The following SKA2 variants were observed in gnomAD, a reference collection of about 807,000 sequenced individuals.
The protein encoded by SKA2 is spindle and kinetochore-associated protein 2.
In SKA2, 13 loss-of-function variants were observed where a neutral mutation model predicts 16.9. The observed-to-expected ratio is 0.77, with a 90% CI of 0.50 to 1.22. The LOEUF (loss-of-function observed/expected upper bound fraction) is 1.22, where lower values mean the gene tolerates loss of function less well. Among genes scored for constraint, SKA2 ranks in the 50% most tolerant of loss-of-function variants. SKA2 has a pLI of 0.00. For missense variants in SKA2, 107 were observed against 139.7 expected (o/e 0.77, Z 1.18); for synonymous variants, 47 against 48.5 (o/e 0.97, Z 0.13).
At chr17:59,122,335 T>C (rs2067565089) in intron 2 of SKA2, among the ~76,000 whole-genome samples, 1 of 151,856 alleles carries the variant, frequency 6.6e-6, no homozygotes, top group South Asian at 2.1e-4. Context: ...AAAGGCTGGG[T>C]GCAGTGACTC....
chr17:59,134,883 G>A (rs1208610660), intron 1 of SKA2, among the ~76,000 whole-genome samples: 1 of 151,566 alleles, frequency 6.6e-6, no homozygotes, highest in Non-Finnish European at 1.5e-5. Flanking sequence ...CATACAAGCA[G>A]GAGTGCAGTG....
chr17:59,146,413 AG>A (rs2046532956), intron 1 of SKA2, among the ~76,000 whole-genome samples: 1 of 152,060 alleles, frequency 6.6e-6, no homozygotes, highest in African/African-American at 2.4e-5. Context: ...GCAGGCAAAT[AG>A]CTTGAACCCA....
chr17:59,132,751 C>T (rs1056046655), intron 1 of SKA2, among the ~76,000 whole-genome samples: 1 of 152,172 alleles, frequency 6.6e-6, no homozygotes, highest in Admixed American at 6.5e-5. Flanking sequence ...TAAGGGGGGG[C>T]TTTCACATTT....
At chr17:59,139,411 A>G (rs1286203511) in intron 1 of SKA2, among the ~76,000 whole-genome samples, 2 of 151,732 alleles carry the variant, frequency 1.3e-5, no homozygotes, top group East Asian at 1.9e-4. Context: ...AAAAAAAAAA[A>G]AAAAAAAGAA....
chr17:59,119,260 T>G (rs759841213), intron 3 of SKA2, 59 bp downstream of exon 3: 4 of 1,552,684 alleles, frequency 2.6e-6, no homozygotes, highest in Non-Finnish European at 3.5e-6. Flanking sequence ...GGTTTATTTT[T>G]CAAAGCAACA....
At chr17:59,138,097 G>A (rs2046459960) in intron 1 of SKA2, among the ~76,000 whole-genome samples, 1 of 151,900 alleles carries the variant, frequency 6.6e-6, no homozygotes, top group Admixed American at 6.6e-5. Flanking sequence ...TAAAGCCCAA[G>A]ATATTCGTAT....
chr17:59,132,170 A>T (rs770365448), intron 1 of SKA2, among the ~76,000 whole-genome samples: 1 of 152,014 alleles, frequency 6.6e-6, no homozygotes. Flanking sequence ...AGCCTGGCTA[A>T]CATGGTGAAA....
intron 1 of SKA2, 27 bp from the exon 2 acceptor site, chr17:59,131,394 T>C: frequency 1.4e-6 from 2 of 1,448,968 alleles, no homozygotes; most frequent in South Asian, 2.8e-5. Context: ...ATCATTATTG[T>C]GTAAACCAAA....
intron 1 of SKA2, among the ~76,000 whole-genome samples, chr17:59,138,876 A>C (rs946894271): frequency 7.9e-5 from 12 of 152,150 alleles, no homozygotes; most frequent in Admixed American, 2.0e-4. Context: ...CAGTTTTAAA[A>C]CACTTGCTTT....
intron 1 of SKA2, chr17:59,154,902 C>T: frequency 6.3e-7 from 1 of 1,591,848 alleles, no homozygotes. Context: ...AGGCCCCGCA[C>T]CCTCAGCATC....
chr17:59,143,930 G>C (rs1250236770), intron 1 of SKA2, among the ~76,000 whole-genome samples: 1 of 152,098 alleles, frequency 6.6e-6, no homozygotes, highest in African/African-American at 2.4e-5. Context: ...GGCCGAAGCG[G>C]GCGGATCATG....
intron 2 of SKA2, among the ~76,000 whole-genome samples, chr17:59,130,365 A>G (rs1454932413): frequency 6.7e-6 from 1 of 150,238 alleles, no homozygotes; most frequent in Non-Finnish European, 1.5e-5. Flanking sequence ...TAATCCCAAC[A>G]CCTTGAGAGG....
chr17:59,117,006 G>C (rs1443072532), intron 3 of SKA2, among the ~76,000 whole-genome samples: 3 of 151,552 alleles, frequency 2.0e-5, no homozygotes, highest in Non-Finnish European at 4.4e-5. Flanking sequence ...TAGTAGAGAT[G>C]GGGTTTCACC....
intron 2 of SKA2, among the ~76,000 whole-genome samples, chr17:59,125,088 C>T (rs1470266213): frequency 6.6e-6 from 1 of 151,710 alleles, no homozygotes; most frequent in Admixed American, 6.6e-5. Flanking sequence ...ATTCTCCTGC[C>T]TCAGCCTCTC....
rs1248945273 is a variant in SKA2 at position 59,119,447 on chromosome 17, A to G, written c.169T>C (p.Tyr57His). Residue 57 changes from tyrosine to histidine, a missense_variant, in exon 3 of 4, where the codon TAT (tyrosine) becomes CAT (histidine). Transcript: ENST00000330137. ...TTAAAGCGGGCATACAAAGTTTGATATCGAGACTTTATCACTGACAATTCC... is the reference window on the plus strand; with the variant it reads ...TTAAAGCGGGCATACAAAGTTTGATGTCGAGACTTTATCACTGACAATTCC... ...LKELSVIKSRYQTLYARFKPV... is the reference protein window; with the variant it reads ...LKELSVIKSRHQTLYARFKPV... 1.2e-6 allele frequency: 2 copies of G among 1,614,028 alleles called. No homozygotes were observed. The highest frequency in any genetic ancestry group is 1.7e-6 in the Non-Finnish European group (2 of 1,179,888).
chr17:59,139,285 T>C (rs1029541484), intron 1 of SKA2, among the ~76,000 whole-genome samples: 1 of 150,210 alleles, frequency 6.7e-6, no homozygotes, highest in Non-Finnish European at 1.5e-5. Flanking sequence ...TAGTTCCAGA[T>C]ACTCGGGAGG....
chr17:59,123,900 A>G (rs1000014474), intron 2 of SKA2, among the ~76,000 whole-genome samples: 4 of 152,216 alleles, frequency 2.6e-5, no homozygotes, highest in Admixed American at 6.5e-5. Flanking sequence ...CACAGTGCTA[A>G]TAAGAGGCAG....
chr17:59,147,085 G>A lies in SKA2; in HGVS notation c.33+8046C>T, dbSNP rs984051535. Among the ~76,000 whole-genome samples the A allele has an allele frequency of 2.0e-4, 31 of 151,836 alleles. 1 individual carries two copies. Among genetic ancestry groups the A allele is most frequent in the Admixed American group, 1.8e-3 (28 of 15,220 alleles). ...AGGCAGAAGAATCGCTTGAACCTGCGAGACAGAGATTGCAGTGAGCCGAGA... is the reference window on the plus strand; with the variant it reads ...AGGCAGAAGAATCGCTTGAACCTGCAAGACAGAGATTGCAGTGAGCCGAGA... On this transcript the variant is annotated intron_variant, in intron 1 of 3. Transcript: ENST00000330137.
chr17:59,150,664 C>T (rs2046570267), intron 1 of SKA2, among the ~76,000 whole-genome samples: 1 of 152,084 alleles, frequency 6.6e-6, no homozygotes, highest in Admixed American at 6.6e-5. Context: ...ATTATCTAAG[C>T]CCGGGAGTAC....
Sources: allele counts gnomAD v4.1 joint callset (sites outside exome capture counted in the v4.1 genomes callset), GRCh38; gene constraint gnomAD v4.1.1; transcripts MANE v1.5; gene names NCBI Gene and HGNC (gene_info 2026-07-23, HGNC 2026-07-21).